The following ARHGAP44 variants were observed in gnomAD, a reference collection of about 807,000 sequenced individuals.
ARHGAP44 encodes the protein rho GTPase-activating protein 44.
ARHGAP44 carries 43 observed loss-of-function variants against 106.8 expected under a neutral mutation model. The observed-to-expected ratio is 0.40, with a 90% confidence interval of 0.32 to 0.52. ARHGAP44 has a LOEUF of 0.52. ARHGAP44 is among the 20% of genes least tolerant of loss of function. The probability of loss-of-function intolerance (pLI) is 0.48; values close to 1 mark genes in which losing one functional copy is unlikely to be tolerated. For synonymous variants in ARHGAP44, 439 were observed against 410.3 expected, an observed-to-expected ratio of 1.07 and a Z score of -0.85; for missense variants, 866 against 1,050.5, an observed-to-expected ratio of 0.82 and a Z score of 2.43.
At position 12,879,621 on chromosome 17, in the gene ARHGAP44, TAC is replaced by T. The variant is rs1597988016; in HGVS notation, c.54-15317_54-15316del. ...AGTAGTAAAAACTTTAAAGAAGTGT[TAC>T]AGTTAAAATTATATATACATTTATA... is the stretch of plus-strand genomic sequence containing the variant. On this transcript the variant is annotated intron_variant, in intron 1 of 20. Coordinates refer to ENST00000379672, the MANE Select transcript of ARHGAP44 (RefSeq NM_014859.6). 2.0e-5 allele frequency among the ~76,000 whole-genome samples: 3 copies of T among 151,352 alleles called. No homozygotes were observed. The East Asian group carries it at 5.8e-4, about 29-fold the overall frequency.
chr17:12,920,375 C>CAA (rs11408733), intron 6 of ARHGAP44, among the ~76,000 whole-genome samples: 4,594 of 88,918 alleles, frequency 0.052, 251 homozygotes, highest in Admixed American at 0.083. Flanking sequence ...GACTCCATCT[C>CAA]AAAAAAAAAA....
intron 18 of ARHGAP44, among the ~76,000 whole-genome samples, chr17:12,975,127 G>A (rs577163320): frequency 6.6e-6 from 1 of 152,170 alleles, no homozygotes; most frequent in African/African-American, 2.4e-5. Flanking sequence ...TGGGATTACA[G>A]GCCTGAGCCA....
intron 16 of ARHGAP44, among the ~76,000 whole-genome samples, chr17:12,970,968 G>A (rs1252430722): frequency 1.3e-5 from 2 of 152,180 alleles, no homozygotes; most frequent in Non-Finnish European, 2.9e-5. Context: ...TGCTGCTGCC[G>A]TTGTGATTGA....
intron 1 of ARHGAP44, among the ~76,000 whole-genome samples, chr17:12,862,772 A>G (rs2036125476): frequency 6.6e-6 from 1 of 151,650 alleles, no homozygotes; most frequent in African/African-American, 2.4e-5. Context: ...AGGTGGCAGG[A>G]TCACTTGAAG....
In ARHGAP44 at chr17:12,991,571, A is replaced by AGTT. The variant is rs760564424; in HGVS notation, c.*1404_*1406dup. ...GTCTGGGGTAAGGGTGGGGGTTGAA[A>AGTT]GTTGTTATCTTTAAATACATGTACA... On this transcript the variant is annotated 3_prime_UTR_variant, in exon 21 of 21. Transcript: ENST00000379672. The AGTT allele has an allele frequency of 1.7e-5, 3 of 178,134 alleles. No individual in the cohort carries two copies. Among genetic ancestry groups the AGTT allele is most frequent in the Non-Finnish European group, 2.4e-5 (2 of 82,974 alleles). 11.0% of individuals were successfully genotyped at this position (178,134 alleles called of 1,614,324 possible).
At chr17:12,792,594 C>T (rs773782086) in intron 1 of ARHGAP44, among the ~76,000 whole-genome samples, 7 of 152,110 alleles carry the variant, frequency 4.6e-5, no homozygotes, top group African/African-American at 1.4e-4. Context: ...TCAGTAGAAG[C>T]ACATAGGATT....
intron 3 of ARHGAP44, among the ~76,000 whole-genome samples, chr17:12,903,125 A>AGAGAGAGAGAGAGG (rs1567677724): frequency 2.8e-5 from 2 of 72,710 alleles, no homozygotes; most frequent in South Asian, 6.0e-4. Flanking sequence ...AGAGAGAGAG[A>AGAGAGAGAGAGAGG]GGAGAGAGAG....
At chr17:12,932,631 G>A (rs1306674856) in intron 7 of ARHGAP44, among the ~76,000 whole-genome samples, 1 of 150,912 alleles carries the variant, frequency 6.6e-6, no homozygotes, top group African/African-American at 2.4e-5. Context: ...TTAAATTCAT[G>A]TTATACACCT....
chr17:12,813,700 C>G (rs1446010940), intron 1 of ARHGAP44, among the ~76,000 whole-genome samples: 1 of 152,132 alleles, frequency 6.6e-6, no homozygotes, highest in Non-Finnish European at 1.5e-5. Context: ...TCCCCCACCA[C>G]ACAAAGAGAG....
intron 1 of ARHGAP44, among the ~76,000 whole-genome samples, chr17:12,869,602 G>C (rs1296038081): frequency 6.6e-6 from 1 of 152,044 alleles, no homozygotes; most frequent in African/African-American, 2.4e-5. Flanking sequence ...AGCTAAAACT[G>C]TGTCCATGAA....
At position 12,944,165 on chromosome 17, in the gene ARHGAP44, C is replaced by G; in HGVS notation, c.830C>G (p.Thr277Ser). Reference sequence around the variant, plus strand: ...GCCTTCCCCATCGAGGCGTGTGTGACCATGCTGCTTGAGTGTGGGATGCAG... The same window carrying G: ...GCCTTCCCCATCGAGGCGTGTGTGAGCATGCTGCTTGAGTGTGGGATGCAG... ...EIAFPIEACV[T>S]MLLECGMQEE... Residue 277 changes from threonine (T) to serine (S), a missense_variant, in exon 10 of 21, where the codon ACC becomes AGC. Physicochemically the swap from Thr to Ser is moderately conservative, Grantham distance 58. Around this residue, in one of 2 missense-constraint regions of ARHGAP44, gnomAD observed 448 missense variants for 646.9 expected, o/e 0.69. Coordinates refer to ENST00000379672, the MANE Select transcript of ARHGAP44 (RefSeq NM_014859.6). 1 of 1,611,928 alleles carries G rather than the reference C, an allele frequency of 6.2e-7. No individual in the cohort carries two copies.
At chr17:12,921,633 CAG>C (rs562884558) in intron 6 of ARHGAP44, among the ~76,000 whole-genome samples, 12 of 152,126 alleles carry the variant, frequency 7.9e-5, no homozygotes, top group African/African-American at 1.2e-4. Flanking sequence ...AATAAAGAAA[CAG>C]AATATATTTG....
intron 1 of ARHGAP44, among the ~76,000 whole-genome samples, chr17:12,794,008 G>T (rs969345136): frequency 3.3e-5 from 5 of 152,196 alleles, no homozygotes; most frequent in African/African-American, 1.2e-4. Context: ...GGTGGTCAGA[G>T]GAGAGAGGAA....
In ARHGAP44 at chr17:12,908,979, G is replaced by A. The variant is rs781050483; in HGVS notation, c.275+6G>A. 1 of 1,585,016 alleles carries A rather than the reference G, an allele frequency of 6.3e-7. No homozygotes were observed. Among genetic ancestry groups the A allele is most frequent in the Admixed American group, 1.9e-5 (1 of 51,898 alleles). ...GGAGATGACACACTTCTTGGGTAAG[G>A]TGACACCTTGCGTGAGTTTGGTGCC... On this transcript the variant is annotated splice_donor_region_variant and intron_variant, in intron 4 of 20. Coordinates refer to ENST00000379672, the MANE Select transcript of ARHGAP44 (RefSeq NM_014859.6).
chr17:12,893,361 C>T (rs938409553), intron 1 of ARHGAP44, among the ~76,000 whole-genome samples: 1 of 152,186 alleles, frequency 6.6e-6, no homozygotes, highest in Non-Finnish European at 1.5e-5. Flanking sequence ...AGCCTTGTTA[C>T]TGCTGGGTGT....
At chr17:12,982,018 AAAG>A (rs1400821999) in intron 19 of ARHGAP44, among the ~76,000 whole-genome samples, 3 of 152,066 alleles carry the variant, frequency 2.0e-5, no homozygotes, top group Non-Finnish European at 1.5e-5. Context: ...CTCCAAAAAA[AAAG>A]AGTCCTTTAA....
intron 1 of ARHGAP44, among the ~76,000 whole-genome samples, chr17:12,802,629 C>T (rs1377617320): frequency 6.6e-6 from 1 of 151,886 alleles, no homozygotes; most frequent in Non-Finnish European, 1.5e-5. Context: ...TTTAACATAC[C>T]CAGTTGTTGA....
chr17:12,948,563 T>C (rs1360602411), intron 10 of ARHGAP44, among the ~76,000 whole-genome samples: 1 of 151,948 alleles, frequency 6.6e-6, no homozygotes, highest in Non-Finnish European at 1.5e-5. Context: ...CCCAGCTACT[T>C]GGGAGACTGA....
chr17:12,853,260 C>T (rs2035815449), intron 1 of ARHGAP44, among the ~76,000 whole-genome samples: 2 of 152,212 alleles, frequency 1.3e-5, no homozygotes, highest in South Asian at 4.2e-4. Context: ...GGATGGAGGC[C>T]AGAAGACTCA....
Sources: allele counts gnomAD v4.1 joint callset (sites outside exome capture counted in the v4.1 genomes callset), GRCh38; gene constraint gnomAD v4.1.1; regional missense constraint gnomAD v4.1.1; transcripts MANE v1.5; gene names NCBI Gene and HGNC (gene_info 2026-07-23, HGNC 2026-07-21).